Variants in MYO18A observed in about 807,000 individuals in gnomAD.
MYO18A encodes unconventional myosin-XVIIIa.
MYO18A carries 78 observed loss-of-function variants against 235.8 expected under a neutral mutation model. The ratio of observed to expected loss-of-function variants is 0.33; its 90% CI spans 0.28 to 0.40. The LOEUF (loss-of-function observed/expected upper bound fraction) is 0.40, where lower values mean the gene tolerates loss of function less well. MYO18A is among the 10% of genes least tolerant of loss of function. The pLI is 1.00. For missense variants in MYO18A, 2,215 were observed against 2,699.3 expected (o/e 0.82, Z 3.98); for synonymous variants, 977 against 1,077.8 (o/e 0.91, Z 1.83).
chr17:29,110,739 C>T, intron 17 of MYO18A, 117 bp from the exon 18 acceptor site: 1 of 1,015,008 alleles, frequency 9.9e-7, no homozygotes. Flanking sequence ...CGTCCAGGGG[C>T]CTGGCTACCT....
intron 13 of MYO18A, 91 bp from the exon 14 acceptor site, chr17:29,115,190 C>T (rs2067027933): frequency 3.4e-6 from 5 of 1,467,564 alleles, no homozygotes; most frequent in South Asian, 1.3e-5. Context: ...CTATCCCTGC[C>T]CAGGACCCTG....
intron 38 of MYO18A, 119 bp from the exon 39 acceptor site, chr17:29,086,696 C>G (rs2066261426): frequency 1.5e-6 from 2 of 1,356,296 alleles, no homozygotes; most frequent in East Asian, 2.5e-5. Context: ...CTGACACAGG[C>G]TGCCAGAGCC....
chr17:29,092,558 C>T lies in MYO18A; in HGVS notation c.5074-102G>A, dbSNP rs543256357. 6.2e-5 allele frequency: 60 copies of T among 964,436 alleles called. No individual in the cohort carries two copies. In the Middle Eastern group the frequency reaches 6.3e-4, roughly 10 times the overall value. 59.7% of individuals were successfully genotyped at this position (964,436 alleles called of 1,614,324 possible). Reference sequence around the variant, plus strand: ...GGAGCTCGGATGCCCTCCTTCTCCTCCTCCATTCACTTCAGACCCCAGGGC... The same window carrying T: ...GGAGCTCGGATGCCCTCCTTCTCCTTCTCCATTCACTTCAGACCCCAGGGC... On this transcript the variant is annotated intron_variant, in intron 33 of 41. Transcript: ENST00000527372.
At chr17:29,084,827 C>T (rs1366579554) in intron 40 of MYO18A, among the ~76,000 whole-genome samples, 1 of 152,116 alleles carries the variant, frequency 6.6e-6, no homozygotes, top group Non-Finnish European at 1.5e-5. Flanking sequence ...TAAAAAACAA[C>T]CCTGTCGAAC....
Position 29,125,251 on chromosome 17 carries a change from T to C in MYO18A, c.1000-2998A>G, listed in dbSNP as rs866252390. 2.0e-5 allele frequency among the ~76,000 whole-genome samples: 3 copies of C among 152,274 alleles called. No individual in the cohort carries two copies. The highest frequency in any genetic ancestry group is 3.9e-4 in the East Asian group (2 of 5,168). On this transcript the variant is annotated intron_variant, in intron 2 of 41. Coordinates refer to ENST00000527372, the MANE Select transcript of MYO18A (RefSeq NM_078471.4). This position sits in a 1 kb window ranked among gnomAD's most constrained non-coding sequence, Gnocchi z 5.1. ...CAGAGCTGTCGCCCTGCACCTCTCA[T>C]AGAACACAGCTCCCAGCAGCTTGCA... is the stretch of plus-strand genomic sequence containing the variant.
chr17:29,121,183 C>G lies in MYO18A; in HGVS notation c.1400G>C (p.Arg467Pro). The change falls in exon 6 of 42, where the codon CGG (arginine) becomes CCG (proline). Residue 467 changes from arginine to proline, a missense_variant. Arg to Pro is a moderately radical substitution (Grantham distance 103, BLOSUM62 -2). Transcript: ENST00000527372. This position sits in a 1 kb window ranked among gnomAD's most constrained non-coding sequence, Gnocchi z 4.2. ...ATAGATGTGGGGTGCCATGTCCTCC[C>G]GCCGACAACCCTTGAACATGTGCAT... ...KVMHMFKGCRREDMAPHIYAV... is the reference protein window; with the variant it reads ...KVMHMFKGCRPEDMAPHIYAV... 6.2e-7 allele frequency: 1 copy of G among 1,609,336 alleles called. No individual in the cohort carries two copies. Among genetic ancestry groups the G allele is most frequent in the East Asian group, 2.2e-5 (1 of 44,734 alleles).
At position 29,073,611 on chromosome 17, in the gene MYO18A, G is replaced by T; in HGVS notation, c.*1159C>A. On this transcript the variant is annotated 3_prime_UTR_variant, in exon 42 of 42. Coordinates refer to ENST00000527372, the MANE Select transcript of MYO18A (RefSeq NM_078471.4). ...CAAACCAATTGCAGGAGAGAAGGGG[G>T]GCGGCAGATGGGAGCAGCACCAGGC... 1 of 457,716 alleles carries T rather than the reference G, an allele frequency of 2.2e-6. No individual in the cohort carries two copies. The highest frequency in any genetic ancestry group is 2.0e-5 in the African/African-American group (1 of 51,246). The allele number at this position is 457,716 out of a possible 1,614,324, so 28.4% of individuals were successfully genotyped here. A position where few individuals can be genotyped will look rare whatever the true frequency, so the allele number is the denominator to read the frequency against.
At position 29,115,367 on chromosome 17, in the gene MYO18A, C is replaced by A. The variant is rs749076838; in HGVS notation, c.2302G>T (p.Val768Phe). 1.9e-6 allele frequency: 3 copies of A among 1,613,888 alleles called. No homozygotes were observed. Among genetic ancestry groups the A allele is most frequent in the Non-Finnish European group, 2.5e-6 (3 of 1,179,894 alleles). Reference protein sequence around the residue: ...GLYSELFTLLVSLVNRALKSS... With the variant: ...GLYSELFTLLFSLVNRALKSS... ...GGCACTCACCTATTCACCAGGGAGA[C>A]GAGAAGGGTGAAGAGCTCGCTGTAG... Residue 768 changes from valine (V) to phenylalanine (F), a missense_variant, in exon 13 of 42, where the codon GTC (valine) becomes TTC (phenylalanine). Physicochemically the swap from Val to Phe is conservative, Grantham distance 50. Coordinates refer to ENST00000527372, the MANE Select transcript of MYO18A (RefSeq NM_078471.4).
chr17:29,079,740 C>T, intron 41 of MYO18A: 1 of 986,062 alleles, frequency 1.0e-6, no homozygotes, highest in Non-Finnish European at 1.2e-6. Context: ...ACTAGTCGCT[C>T]TCGGGCCGGT....
chr17:29,110,172 A>C, intron 18 of MYO18A, 71 bp from the exon 19 acceptor site: 7 of 1,562,562 alleles, frequency 4.5e-6, no homozygotes, highest in Non-Finnish European at 6.1e-6. Flanking sequence ...GACTGGTGCC[A>C]GCGTCTCCAC....
intron 41 of MYO18A, chr17:29,077,987 C>CT (rs2066024995): frequency 6.6e-6 from 1 of 152,076 alleles, no homozygotes; most frequent in South Asian, 2.1e-4. Context: ...AAGAGGAAGG[C>CT]TGAGATGCCT....
At chr17:29,128,869 G>A (rs1261298465) in intron 2 of MYO18A, among the ~76,000 whole-genome samples, 3 of 152,178 alleles carry the variant, frequency 2.0e-5, no homozygotes, top group Non-Finnish European at 4.4e-5. Flanking sequence ...GAGGTGCTCT[G>A]GGGTTACTGG....
chr17:29,088,139 C>T (rs1417444895), intron 37 of MYO18A, among the ~76,000 whole-genome samples: 4 of 151,028 alleles, frequency 2.6e-5, no homozygotes, highest in African/African-American at 7.3e-5. Context: ...CTGCAGGCTC[C>T]GCCCCCCGGG....
intron 14 of MYO18A, 32 bp downstream of exon 14, chr17:29,114,875 G>A (rs747578352): frequency 6.3e-7 from 1 of 1,590,956 alleles, no homozygotes; most frequent in Non-Finnish European, 8.6e-7. Flanking sequence ...GCCAGAATCT[G>A]AGGCTAGATG....
At chr17:29,091,772 AAGGGGCCTGCCCACTGGGGTGGGTCCC>A in intron 34 of MYO18A, 1 of 428,736 alleles carries the variant, frequency 2.3e-6, no homozygotes, top group Non-Finnish European at 4.7e-6. Context: ...TTCCCTGCCC[AAGGGGCCTGCCCACTGGGGTGGGTCCC>A]AGGACCAGTG....
chr17:29,121,027 G>C lies in MYO18A; in HGVS notation c.1556C>G (p.Ala519Gly). The C allele has an allele frequency of 1.2e-6, 2 of 1,612,328 alleles. No individual in the cohort carries two copies. The highest frequency in any genetic ancestry group is 1.7e-6 in the Non-Finnish European group (2 of 1,179,300). Residue 519 changes from alanine to glycine, a missense_variant, in exon 6 of 42, where the codon GCG becomes GGG. By Grantham distance (60) the Ala-to-Gly change is moderately conservative. Coordinates refer to ENST00000527372, the MANE Select transcript of MYO18A (RefSeq NM_078471.4). The surrounding 1 kb of genome is among the most constrained non-coding windows in gnomAD (Gnocchi z 4.2). Reference sequence around the variant, plus strand: ...AAACACCTTGTTCCCGCTGATGCCCGCGATGGTGGCCAGGTACTGCACCAG... The same window carrying C: ...AAACACCTTGTTCCCGCTGATGCCCCCGATGGTGGCCAGGTACTGCACCAG... ...QHLVQYLATI[A>G]GISGNKVFSV...
chr17:29,113,861 G>A (rs746045602), intron 15 of MYO18A, 150 bp downstream of exon 15: 8 of 631,134 alleles, frequency 1.3e-5, no homozygotes, highest in Non-Finnish European at 2.2e-5. Flanking sequence ...CAGCACCAGA[G>A]AGTAGTTGGT....
chr17:29,178,956 G>A (rs907820842), intron 1 of MYO18A, among the ~76,000 whole-genome samples: 1 of 152,180 alleles, frequency 6.6e-6, no homozygotes, highest in Non-Finnish European at 1.5e-5. Flanking sequence ...CTTGCCACAG[G>A]GGCACTGATG....
Position 29,111,535 on chromosome 17 carries a change from C to T in MYO18A, c.2789G>A (p.Gly930Asp). Residue 930 changes from glycine to aspartate, a missense_variant, in exon 17 of 42, where the codon GGC (glycine) becomes GAC (aspartate). Gly to Asp is a moderately conservative substitution (Grantham distance 94). Coordinates refer to ENST00000527372, the MANE Select transcript of MYO18A (RefSeq NM_078471.4). The surrounding 1 kb of genome is among the most constrained non-coding windows in gnomAD (Gnocchi z 5.1). The part of the protein sequence containing the change: ...HSSKPHHFLL[G>D]HSHGTNWVEY... ...TACCCAGTTGGTGCCATGGCTGTGGCCCAGGAGAAAGTGGTGTGGTTTGCT... is the reference window on the plus strand; with the variant it reads ...TACCCAGTTGGTGCCATGGCTGTGGTCCAGGAGAAAGTGGTGTGGTTTGCT... The T allele has an allele frequency of 6.2e-7, 1 of 1,613,716 alleles. No homozygotes were observed. The highest frequency in any genetic ancestry group is 8.5e-7 in the Non-Finnish European group (1 of 1,179,808).
Sources: gnomAD v4.1 joint callset for allele counts (sites outside exome capture counted in the v4.1 genomes callset) on GRCh38, gnomAD v4.1.1 for gene constraint, Gnocchi (gnomAD v3.1) non-coding constraint, MANE v1.5 for transcripts, NCBI Gene and HGNC (gene_info 2026-07-23, HGNC 2026-07-21) for gene names.